WDFY3: variants seen among roughly 807,000 people sequenced by gnomAD.
The protein encoded by WDFY3 is WD repeat and FYVE domain-containing protein 3.
In WDFY3, 66 loss-of-function variants were observed where a neutral mutation model predicts 409.6. That is an observed-to-expected ratio of 0.16 (90% confidence interval 0.13 to 0.20). The LOEUF (loss-of-function observed/expected upper bound fraction) is 0.20, where lower values mean the gene tolerates loss of function less well. Ranked by LOEUF, WDFY3 falls within the 10% of genes least tolerant of loss-of-function variation. WDFY3 has a pLI of 1.00. For missense variants in WDFY3, 3,031 were observed against 4,298.1 expected (o/e 0.71, Z 8.24); for synonymous variants, 1,521 against 1,537.1 (o/e 0.99, Z 0.25).
At chr4:84,817,357 T>C (rs376047593) in intron 13 of WDFY3, 35 bp downstream of exon 13, 22 of 1,607,452 alleles carry the variant, frequency 1.4e-5, no homozygotes, top group African/African-American at 2.7e-5. Context: ...CAGATTTTAG[T>C]AGTAAAAGAA....
intron 6 of WDFY3, among the ~76,000 whole-genome samples, chr4:84,840,231 T>C (rs1046141418): frequency 6.6e-6 from 1 of 152,188 alleles, no homozygotes; most frequent in African/African-American, 2.4e-5. Flanking sequence ...AATAGCTCAT[T>C]AATGAGCACA....
In WDFY3 at chr4:84,766,264, C is replaced by T. The variant is rs370952599; in HGVS notation, c.4958G>A (p.Ser1653Asn). ...AAGATTTACTTACTGCAAATTAATGCTTGTCTTTTCTTTAGATGTATAAAT... is the reference window on the plus strand; with the variant it reads ...AAGATTTACTTACTGCAAATTAATGTTTGTCTTTTCTTTAGATGTATAAAT... The part of the protein sequence containing the change: ...KLIYTSKEKT[S>N]INLQACEELV... The change falls in exon 31 of 68, where the codon AGC becomes AAC. Residue 1653 changes from serine (S) to asparagine (N), a missense_variant. By Grantham distance (46) the Ser-to-Asn change is conservative. Around this residue, in one of 16 missense-constraint regions of WDFY3, gnomAD observed 342 missense variants for 463.7 expected, o/e 0.74. Coordinates refer to ENST00000295888, the MANE Select transcript of WDFY3 (RefSeq NM_014991.6). The T allele has an allele frequency of 3.9e-4, 610 of 1,581,852 alleles. No individual in the cohort carries two copies. Among genetic ancestry groups the T allele is most frequent in the Non-Finnish European group, 4.9e-4 (571 of 1,165,386 alleles).
intron 3 of WDFY3, among the ~76,000 whole-genome samples, chr4:84,867,485 A>G (rs183383810): frequency 0.011 from 1,697 of 152,310 alleles, 27 homozygotes; most frequent in African/African-American, 0.039. Context: ...TACAAACCCT[A>G]TTTGGGTTCA....
intron 11 of WDFY3, 30 bp from the exon 12 acceptor site, chr4:84,820,216 A>G (rs771221292): frequency 1.3e-6 from 2 of 1,532,812 alleles, no homozygotes; most frequent in Non-Finnish European, 1.8e-6. Context: ...TCCAAATTAC[A>G]AAAGTGATAA....
At chr4:84,715,253 A>T in intron 50 of WDFY3, 45 bp downstream of exon 50, 1 of 1,116,206 alleles carries the variant, frequency 9.0e-7, no homozygotes, top group Non-Finnish European at 1.3e-6. Flanking sequence ...TCCCCCTCCC[A>T]TATCTTCCCA....
chr4:84,832,036 A>C (rs1755811572), intron 7 of WDFY3, among the ~76,000 whole-genome samples: 1 of 152,212 alleles, frequency 6.6e-6, no homozygotes. Context: ...AGATAGCTGC[A>C]CTGCCATGTT....
At chr4:84,765,733 A>ATAAGTTC in intron 32 of WDFY3, 77 bp downstream of exon 32, 1 of 1,248,316 alleles carries the variant, frequency 8.0e-7, no homozygotes, top group Non-Finnish European at 1.1e-6. Context: ...ACCGCAGAGG[A>ATAAGTTC]TAAGTTTACA....
chr4:84,757,786 T>G (rs1223219503), intron 32 of WDFY3, among the ~76,000 whole-genome samples: 2 of 152,168 alleles, frequency 1.3e-5, no homozygotes, highest in Non-Finnish European at 2.9e-5. Context: ...TATTTCATTG[T>G]CCTGAAAATC....
intron 1 of WDFY3, among the ~76,000 whole-genome samples, chr4:84,946,868 G>A (rs559343411): frequency 7.3e-5 from 11 of 151,478 alleles, no homozygotes; most frequent in Non-Finnish European, 1.3e-4. Flanking sequence ...GTGCAGTGGC[G>A]TGATCTCCGC....
In WDFY3 at chr4:84,881,584, T is replaced by TAA. The variant is rs70943379; in HGVS notation, c.-32+15325_-32+15326dup. Among the ~76,000 whole-genome samples the TAA allele has an allele frequency of 3.2e-3, 475 of 146,766 alleles. 2 individuals are homozygous for TAA. The highest frequency in any genetic ancestry group is 9.7e-3 in the African/African-American group (388 of 40,010). On this transcript the variant is annotated intron_variant, in intron 3 of 67. Transcript: ENST00000295888. Reference sequence around the variant, plus strand: ...ACTAGAATATGATCGTTACAATCATTAAAAAAAAAAAAGATTGTTAAGCCA... The same window carrying TAA: ...ACTAGAATATGATCGTTACAATCATTAAAAAAAAAAAAAAGATTGTTAAGCCA...
chr4:84,676,596 G>GAA (rs545145767), intron 67 of WDFY3, among the ~76,000 whole-genome samples: 1 of 130,250 alleles, frequency 7.7e-6, no homozygotes, highest in Non-Finnish European at 1.7e-5. Context: ...GATAAAAATA[G>GAA]AAAAAAAAAA....
intron 46 of WDFY3, among the ~76,000 whole-genome samples, chr4:84,722,302 G>A (rs1366373346): frequency 2.0e-5 from 3 of 152,050 alleles, no homozygotes; most frequent in Admixed American, 6.6e-5. Flanking sequence ...GTGGAGAATC[G>A]CTTGAACCTG....
chr4:84,855,033 TA>T (rs1444615756), intron 4 of WDFY3, among the ~76,000 whole-genome samples: 3 of 151,804 alleles, frequency 2.0e-5, no homozygotes, highest in Non-Finnish European at 4.4e-5. Flanking sequence ...CATAACAGAT[TA>T]AAAAAAAGGT....
In WDFY3 at chr4:84,756,985, G is replaced by C; in HGVS notation, c.5365C>G (p.Pro1789Ala). Residue 1789 changes from proline to alanine, a missense_variant, in exon 33 of 68, where the codon CCT becomes GCT. By Grantham distance (27) the Pro-to-Ala change is conservative. Transcript: ENST00000295888. Reference protein sequence around the residue: ...LFLQQPVSELPENLQVSVPVI... With the variant: ...LFLQQPVSELAENLQVSVPVI... The stretch of plus-strand genomic sequence containing the variant: ...GGCACACTGACCTGCAGGTTCTCAG[G>C]CAGCTCACTAACTGGCTGCTGCAGA... The C allele has an allele frequency of 6.2e-7, 1 of 1,614,048 alleles. No homozygotes were observed. The highest frequency in any genetic ancestry group is 8.5e-7 in the Non-Finnish European group (1 of 1,179,964).
At position 84,694,215 on chromosome 4, in the gene WDFY3, T is replaced by C. The variant is rs375546749; in HGVS notation, c.8902-1183A>G. On this transcript the variant is annotated intron_variant, in intron 58 of 67. Coordinates refer to ENST00000295888, the MANE Select transcript of WDFY3 (RefSeq NM_014991.6). ...AAGATCAGGCTTCTATAAAGATACA[T>C]AGTTTTAAAGCACTTTCATGAATGT... Among the ~76,000 whole-genome samples, 8 of 152,344 alleles carry C rather than the reference T, an allele frequency of 5.3e-5. No individual in the cohort carries two copies. In the East Asian group the frequency reaches 1.2e-3, roughly 22 times the overall value.
At chr4:84,839,347 G>A (rs911216284) in intron 6 of WDFY3, among the ~76,000 whole-genome samples, 1 of 152,054 alleles carries the variant, frequency 6.6e-6, no homozygotes, top group African/African-American at 2.4e-5. Flanking sequence ...ACCATCAACA[G>A]CAAACAGAAC....
chr4:84,874,325 A>G (rs1160385580), intron 3 of WDFY3, among the ~76,000 whole-genome samples: 1 of 151,868 alleles, frequency 6.6e-6, no homozygotes, highest in Non-Finnish European at 1.5e-5. Context: ...AGGCAGGAGA[A>G]TTGCTTGAGC....
At position 84,782,995 on chromosome 4, in the gene WDFY3, C is replaced by T. The variant is rs1578495543; in HGVS notation, c.4142G>A (p.Arg1381Gln). 2.5e-6 allele frequency: 4 copies of T among 1,614,094 alleles called. No homozygotes were observed. Among genetic ancestry groups the T allele is most frequent in the African/African-American group, 1.3e-5 (1 of 75,044 alleles). The stretch of plus-strand genomic sequence containing the variant: ...TCCAATCAGAGCGGCCCCAATTGTC[C>T]GTGCAGATCCATTAAGATGTCCTGC... Reference protein sequence around the residue: ...NSAGHLNGSARTIGAALIGYL... With the variant: ...NSAGHLNGSAQTIGAALIGYL... The change falls in exon 25 of 68, where the codon CGG (arginine) becomes CAG (glutamine). Residue 1381 changes from arginine to glutamine, a missense_variant. By Grantham distance (43) the Arg-to-Gln change is conservative. Transcript: ENST00000295888.
chr4:84,851,663 A>G (rs1431503826), intron 4 of WDFY3, among the ~76,000 whole-genome samples: 1 of 152,182 alleles, frequency 6.6e-6, no homozygotes, highest in Non-Finnish European at 1.5e-5. Context: ...GCTCAAAGAT[A>G]CAGAAGAGAA....
Sources: allele counts gnomAD v4.1 joint callset (sites outside exome capture counted in the v4.1 genomes callset), GRCh38; gene constraint gnomAD v4.1.1; regional missense constraint gnomAD v4.1.1; transcripts MANE v1.5; gene names NCBI Gene and HGNC (gene_info 2026-07-23, HGNC 2026-07-21).